MGAT4C: variants seen among roughly 807,000 people sequenced by gnomAD.
MGAT4C encodes the protein alpha-1,3-mannosyl-glycoprotein 4-beta-N-acetylglucosaminyltransferase C.
MGAT4C carries 19 observed loss-of-function variants against 40.1 expected under a neutral mutation model. The observed-to-expected ratio is 0.47, with a 90% confidence interval of 0.33 to 0.70. The LOEUF (loss-of-function observed/expected upper bound fraction) is 0.70, where lower values mean the gene tolerates loss of function less well. Ranked by LOEUF, MGAT4C falls within the 30% of genes least tolerant of loss-of-function variation. The probability of loss-of-function intolerance (pLI) is 0.02; values close to 1 mark genes in which losing one functional copy is unlikely to be tolerated. For missense variants in MGAT4C, 491 were observed against 563.2 expected (o/e 0.87, Z 1.30); for synonymous variants, 181 against 187.1 (o/e 0.97, Z 0.27).
Position 86,069,119 on chromosome 12 carries a change from G to A in MGAT4C, c.-56-19396C>T, listed in dbSNP as rs570871472. 1.2e-3 allele frequency among the ~76,000 whole-genome samples: 172 copies of A among 142,190 alleles called. 1 individual carries two copies. The highest frequency in any genetic ancestry group is 2.3e-3 in the Non-Finnish European group (139 of 61,640). The allele number at this position is 142,190 out of a possible 152,430, so 93.3% of individuals were successfully genotyped here. A position where few individuals can be genotyped will look rare whatever the true frequency, so the allele number is the denominator to read the frequency against. On this transcript the variant is annotated intron_variant, in intron 1 of 4. Coordinates refer to ENST00000611864, the MANE Select transcript of MGAT4C (RefSeq NM_001351288.2). ...CAGTCATGTGAGTCCTTTATTCTGG[G>A]AAGGTGTCATTTTTTTCTGGAATTT...
intron 3 of MGAT4C, among the ~76,000 whole-genome samples, chr12:86,392,105 A>G (rs1485779700): frequency 6.6e-6 from 1 of 152,174 alleles, no homozygotes; most frequent in Non-Finnish European, 1.5e-5. Context: ...AAACTTTACA[A>G]TGTAACAGTT....
Position 86,455,341 on chromosome 12 carries a change from A to G in MGAT4C, c.-228-20076T>C, listed in dbSNP as rs78707299. Among the ~76,000 whole-genome samples the G allele has an allele frequency of 8.7e-4, 132 of 152,238 alleles. 1 individual carries two copies. In the East Asian group the frequency reaches 0.025, roughly 29 times the overall value. ...ATCACTCCTTATGTGGGGAACATCT[A>G]TTTGAGGAAAGTTTTTGCTCCTCTA... On this transcript the variant is annotated intron_variant, in intron 2 of 7. Transcript: ENST00000548651.
chr12:86,232,634 C>T (rs892356217), intron 1 of MGAT4C, among the ~76,000 whole-genome samples: 1 of 152,086 alleles, frequency 6.6e-6, no homozygotes, highest in Non-Finnish European at 1.5e-5. Context: ...AGAAGGGAGC[C>T]GAATACAAGT....
At chr12:86,428,663 T>A (rs900068098) in intron 3 of MGAT4C, among the ~76,000 whole-genome samples, 1 of 152,250 alleles carries the variant, frequency 6.6e-6, no homozygotes, top group Non-Finnish European at 1.5e-5. Context: ...AATAGTTTGT[T>A]CAGATGTTCT....
chr12:86,148,047 CA>C, intron 1 of MGAT4C, among the ~76,000 whole-genome samples: 1 of 152,010 alleles, frequency 6.6e-6, no homozygotes, highest in Non-Finnish European at 1.5e-5. Flanking sequence ...ATAATGTTAA[CA>C]AAAACTACAA....
At chr12:86,310,208 C>A (rs1359782030) in intron 4 of MGAT4C, among the ~76,000 whole-genome samples, 1 of 151,082 alleles carries the variant, frequency 6.6e-6, no homozygotes, top group Non-Finnish European at 1.5e-5. Flanking sequence ...GTAAATTGGG[C>A]TGATTGTAAG....
intron 2 of MGAT4C, among the ~76,000 whole-genome samples, chr12:86,521,325 G>T (rs1958791643): frequency 6.6e-6 from 1 of 152,088 alleles, no homozygotes; most frequent in African/African-American, 2.4e-5. Flanking sequence ...ATTGAATAGG[G>T]TGTCCTTTAC....
At chr12:86,230,873 T>TA (rs1381424732) in intron 1 of MGAT4C, among the ~76,000 whole-genome samples, 1 of 151,504 alleles carries the variant, frequency 6.6e-6, no homozygotes, top group Non-Finnish European at 1.5e-5. Context: ...CACTCCCTTT[T>TA]TTTTTTTTTA....
chr12:86,298,265 T>C (rs1291400635), intron 4 of MGAT4C, among the ~76,000 whole-genome samples: 1 of 151,992 alleles, frequency 6.6e-6, no homozygotes, highest in East Asian at 2.0e-4. Context: ...TTTAACTTAT[T>C]CATGAAGAAC....
At chr12:86,032,084 A>C (rs920681168) in intron 2 of MGAT4C, among the ~76,000 whole-genome samples, 5 of 151,908 alleles carry the variant, frequency 3.3e-5, no homozygotes, top group African/African-American at 1.2e-4. Context: ...TGTTGCTGCA[A>C]AGGACATAAA....
At chr12:86,500,192 T>G (rs1228275875) in intron 2 of MGAT4C, among the ~76,000 whole-genome samples, 3 of 151,920 alleles carry the variant, frequency 2.0e-5, no homozygotes, top group Non-Finnish European at 4.4e-5. Context: ...TATATATGTA[T>G]ACATATATGT....
chr12:86,665,543 A>AT (rs1288116260), intron 2 of MGAT4C, among the ~76,000 whole-genome samples: 4 of 151,690 alleles, frequency 2.6e-5, no homozygotes, highest in Admixed American at 6.6e-5. Context: ...TGCCCAGCTA[A>AT]TTTTTTTGTA....
intron 1 of MGAT4C, among the ~76,000 whole-genome samples, chr12:86,068,753 C>T (rs1894801916): frequency 6.6e-6 from 1 of 151,946 alleles, no homozygotes; most frequent in African/African-American, 2.4e-5. Context: ...CTTTACTATT[C>T]CAGCTTTTTA....
chr12:86,345,957 G>T (rs1213563509), intron 3 of MGAT4C, among the ~76,000 whole-genome samples: 1 of 152,198 alleles, frequency 6.6e-6, no homozygotes, highest in Admixed American at 6.5e-5. Flanking sequence ...TAACTGGTGT[G>T]AGATGGTATC....
intron 1 of MGAT4C, among the ~76,000 whole-genome samples, chr12:86,128,010 T>G (rs566289394): frequency 6.6e-6 from 1 of 152,200 alleles, no homozygotes; most frequent in Non-Finnish European, 1.5e-5. Context: ...AACACAATCG[T>G]TCTTTAGCAT....
chr12:86,637,759 TATTTC>T (rs1344429095), intron 2 of MGAT4C, among the ~76,000 whole-genome samples: 1 of 151,894 alleles, frequency 6.6e-6, no homozygotes, highest in East Asian at 1.9e-4. Context: ...CTCTTCAAAA[TATTTC>T]AATCAGTAGC....
chr12:86,506,463 C>T (rs542093601), intron 2 of MGAT4C, among the ~76,000 whole-genome samples: 4 of 152,016 alleles, frequency 2.6e-5, no homozygotes, highest in African/African-American at 9.7e-5. Flanking sequence ...ACCCACAGAC[C>T]AAAAGCAGTA....
At chr12:86,303,169 T>C (rs1482915199) in intron 4 of MGAT4C, among the ~76,000 whole-genome samples, 3 of 150,700 alleles carry the variant, frequency 2.0e-5, no homozygotes, top group African/African-American at 7.5e-5. Flanking sequence ...ATAATAAAAA[T>C]GAAGACAGGA....
chr12:86,147,716 G>A (rs978559627), intron 1 of MGAT4C, among the ~76,000 whole-genome samples: 1 of 152,142 alleles, frequency 6.6e-6, no homozygotes, highest in African/African-American at 2.4e-5. Flanking sequence ...TGGATTACTA[G>A]AGAGGAGGAA....
Sources: allele counts gnomAD v4.1 joint callset (sites outside exome capture counted in the v4.1 genomes callset), GRCh38; gene constraint gnomAD v4.1.1; transcripts MANE v1.5; gene names NCBI Gene and HGNC (gene_info 2026-07-23, HGNC 2026-07-21).